The following RGPD8 variants were observed in gnomAD, a reference collection of about 807,000 sequenced individuals.
RGPD8 encodes RANBP2-like and GRIP domain-containing protein 8.
In RGPD8, 15 loss-of-function variants were observed where a neutral mutation model predicts 89.1. That is an observed-to-expected ratio of 0.17 (90% CI 0.11 to 0.26). The LOEUF (loss-of-function observed/expected upper bound fraction) is 0.26, where lower values mean the gene tolerates loss of function less well. RGPD8 is among the 10% of genes least tolerant of loss of function. The pLI, the probability that RGPD8 is intolerant of heterozygous loss-of-function variation, is 1.00. For synonymous variants in RGPD8, 62 were observed against 420.9 expected, an observed-to-expected ratio of 0.15 and a Z score of 10.44; for missense variants, 178 against 1,179.6, an observed-to-expected ratio of 0.15 and a Z score of 12.44.
chr2:112,427,091 G>A (rs62157481), intron 1 of RGPD8, among the ~76,000 whole-genome samples: 1 of 151,444 alleles, frequency 6.6e-6, no homozygotes, highest in Non-Finnish European at 1.5e-5. Context: ...CACCGAGCCC[G>A]GCCAGTTCCC....
chr2:112,415,876 T>A (rs1574015760), intron 6 of RGPD8, among the ~76,000 whole-genome samples: 1 of 141,752 alleles, frequency 7.1e-6, no homozygotes. Flanking sequence ...CAAGACTCAG[T>A]CTCAAAAAAA....
intron 7 of RGPD8, among the ~76,000 whole-genome samples, chr2:112,411,501 G>A (rs1679201166): frequency 1.6e-5 from 1 of 64,114 alleles, no homozygotes; most frequent in Admixed American, 1.6e-4. Flanking sequence ...AACTCGGGAG[G>A]TGGAGCTTGC....
At chr2:112,379,648 CTAGT>C (rs1269103876) in intron 21 of RGPD8, among the ~76,000 whole-genome samples, 3 of 123,502 alleles carry the variant, frequency 2.4e-5, no homozygotes, top group African/African-American at 5.5e-5. Context: ...GTTTACTGGG[CTAGT>C]TAGTGATTTG....
At chr2:112,386,021 C>G (rs1337623824) in intron 20 of RGPD8, 2 of 147,400 alleles carry the variant, frequency 1.4e-5, no homozygotes, top group South Asian at 2.2e-4. Flanking sequence ...AAATCTGTCC[C>G]TCTCCTTCAT....
chr2:112,428,952 AAAC>A (rs1246137912), intron 1 of RGPD8, among the ~76,000 whole-genome samples: 3 of 152,166 alleles, frequency 2.0e-5, no homozygotes, highest in African/African-American at 4.8e-5. Flanking sequence ...ATAATAAAAA[AAAC>A]AACAAAAAAC....
intron 17 of RGPD8, among the ~76,000 whole-genome samples, chr2:112,395,820 T>C (rs1161858761): frequency 6.6e-6 from 1 of 152,298 alleles, no homozygotes; most frequent in African/African-American, 2.4e-5. Context: ...AACACAACTC[T>C]GCTGCCTTGA....
chr2:112,411,334 C>T (rs1456971445), intron 7 of RGPD8, among the ~76,000 whole-genome samples: 25 of 145,088 alleles, frequency 1.7e-4, no homozygotes, highest in Admixed American at 2.7e-4. Flanking sequence ...TTTGGGAGGC[C>T]GAGGCAGGTG....
chr2:112,417,201 T>C lies in RGPD8; in HGVS notation c.774A>G (p.Leu258=), dbSNP rs1679450932. 6.2e-7 allele frequency: 1 copy of C among 1,609,418 alleles called. No homozygotes were observed. Among genetic ancestry groups the C allele is most frequent in the African/African-American group, 1.4e-5 (1 of 72,554 alleles). ...STRDVQENRE[L]LESFDSALQS... ...CCTCAAAGTCTACGCACCTTTCCAG[T>C]AATTCTCTATTTTCCTGCACATCTC... The change falls in exon 6 of 23, where the codon TTA becomes TTG. Residue 258 remains leucine (L), a synonymous_variant. Coordinates refer to ENST00000302558, the MANE Select transcript of RGPD8 (RefSeq NM_001164463.1).
At position 112,433,620 on chromosome 2, in the gene RGPD8, A is replaced by G. The variant is rs1680167236; in HGVS notation, c.-167T>C. 1 of 772,820 alleles carries G rather than the reference A, an allele frequency of 1.3e-6. No homozygotes were observed. Among genetic ancestry groups the G allele is most frequent in the East Asian group, 2.8e-5 (1 of 36,346 alleles). The allele number at this position is 772,820 out of a possible 1,614,324, so 47.9% of individuals were successfully genotyped here. On this transcript the variant is annotated 5_prime_UTR_variant, in exon 1 of 23. Coordinates refer to ENST00000302558, the MANE Select transcript of RGPD8 (RefSeq NM_001164463.1). ...CGCCCACGGAGGCCCACTGTGACGA[A>G]CCTGCGTTCTGCCTCAGCACTGTGT...
chr2:112,424,708 C>A (rs1479735684), intron 1 of RGPD8, among the ~76,000 whole-genome samples: 3 of 151,990 alleles, frequency 2.0e-5, no homozygotes, highest in Admixed American at 1.3e-4. Context: ...TGCACTCCAG[C>A]CTGGGCGACA....
rs1168507298 is a variant in RGPD8 at position 112,416,088 on chromosome 2, CAAAAAA to C, written c.782+1099_782+1104del. On this transcript the variant is annotated intron_variant, in intron 6 of 22. Coordinates refer to ENST00000302558, the MANE Select transcript of RGPD8 (RefSeq NM_001164463.1). The stretch of plus-strand genomic sequence containing the variant: ...CTGGTGACAGAGCAAGACTCCATCT[CAAAAAA>C]AAAAAAAAAAAAAAAAAGAAAGAAA... Among the ~76,000 whole-genome samples the C allele has an allele frequency of 1.7e-4, 15 of 88,894 alleles. No individual in the cohort carries two copies. The South Asian group carries it at 1.8e-3, about 11-fold the overall frequency. 58.3% of individuals were successfully genotyped at this position (88,894 alleles called of 152,430 possible). A position where few individuals can be genotyped will look rare whatever the true frequency, so the allele number is the denominator to read the frequency against.
intron 1 of RGPD8, among the ~76,000 whole-genome samples, chr2:112,425,287 C>T (rs1679722093): frequency 6.8e-6 from 1 of 147,646 alleles, no homozygotes; most frequent in African/African-American, 2.5e-5. Flanking sequence ...TAAATAAGTA[C>T]TTAGGATCTA....
At chr2:112,387,156 T>A (rs1321873815) in intron 20 of RGPD8, 1 of 22,304 alleles carries the variant, frequency 4.5e-5, no homozygotes, top group Non-Finnish European at 9.0e-5. Context: ...GAATATTTCA[T>A]TTTTTAACAT....
intron 22 of RGPD8, among the ~76,000 whole-genome samples, chr2:112,374,667 T>C (rs1476378007): frequency 7.8e-6 from 1 of 127,412 alleles, no homozygotes; most frequent in Non-Finnish European, 1.7e-5. Flanking sequence ...AATCTGTGGA[T>C]AGATATCCTT....
chr2:112,410,662 C>A (rs1558983918), intron 7 of RGPD8, among the ~76,000 whole-genome samples: 1 of 151,214 alleles, frequency 6.6e-6, no homozygotes, highest in Non-Finnish European at 1.5e-5. Context: ...CCTGTAATCC[C>A]AGATACGTGA....
chr2:112,415,630 T>C (rs1679367938), intron 6 of RGPD8, among the ~76,000 whole-genome samples: 3 of 151,032 alleles, frequency 2.0e-5, no homozygotes, highest in Admixed American at 6.6e-5. Context: ...ATTCAGAGCA[T>C]TGAGAGGAAA....
chr2:112,424,194 G>C (rs1217721846), intron 2 of RGPD8, 46 bp downstream of exon 2: 3 of 1,559,616 alleles, frequency 1.9e-6, no homozygotes, highest in African/African-American at 2.7e-5. Context: ...AATGAGAAAA[G>C]GCATTGATTT....
chr2:112,410,636 G>T (rs560722537), intron 7 of RGPD8, among the ~76,000 whole-genome samples: 1 of 150,748 alleles, frequency 6.6e-6, no homozygotes, highest in Admixed American at 6.6e-5. Flanking sequence ...AAATTAGCCA[G>T]GCATGGTGGT....
intron 7 of RGPD8, among the ~76,000 whole-genome samples, chr2:112,409,262 G>A (rs1380749380): frequency 8.4e-5 from 7 of 83,550 alleles, no homozygotes; most frequent in Admixed American, 7.6e-4. Flanking sequence ...TAAAGACTGA[G>A]GTAGGTATCT....
Sources: allele counts gnomAD v4.1 joint callset (sites outside exome capture counted in the v4.1 genomes callset), GRCh38; gene constraint gnomAD v4.1.1; transcripts MANE v1.5; gene names NCBI Gene and HGNC (gene_info 2026-07-23, HGNC 2026-07-21).